Variants in NEDD9 observed in about 807,000 individuals in gnomAD.
NEDD9 encodes the protein enhancer of filamentation 1.
A neutral mutation model predicts 76.6 loss-of-function variants in NEDD9; 26 were observed. The ratio of observed to expected loss-of-function variants is 0.34; its 90% CI spans 0.25 to 0.47. NEDD9 has a LOEUF of 0.47. Ranked by LOEUF, NEDD9 falls within the 20% of genes least tolerant of loss-of-function variation. The pLI is 1.00. For synonymous variants in NEDD9, 392 were observed against 414.2 expected, an observed-to-expected ratio of 0.95 and a Z score of 0.65; for missense variants, 937 against 1,058.5, an observed-to-expected ratio of 0.89 and a Z score of 1.59.
chr6:11,322,333 T>TA (rs1209191487), intron 2 of NEDD9, among the ~76,000 whole-genome samples: 28 of 146,102 alleles, frequency 1.9e-4, no homozygotes, highest in East Asian at 4.0e-4. Flanking sequence ...TCCCAGAACT[T>TA]AAAAAAAAAA....
chr6:11,219,550 C>A (rs147946358), intron 1 of NEDD9, among the ~76,000 whole-genome samples: 1 of 152,200 alleles, frequency 6.6e-6, no homozygotes. Context: ...TGCCTGCATG[C>A]GCAAATGCAT....
At chr6:11,203,039 T>C (rs866715313) in intron 2 of NEDD9, among the ~76,000 whole-genome samples, 1 of 152,226 alleles carries the variant, frequency 6.6e-6, no homozygotes, top group East Asian at 1.9e-4. Flanking sequence ...TCCCCCCTGC[T>C]GCTTTCAGGA....
intron 3 of NEDD9, among the ~76,000 whole-genome samples, chr6:11,276,862 G>A (rs1760427451): frequency 6.6e-6 from 1 of 152,106 alleles, no homozygotes; most frequent in South Asian, 2.1e-4. Context: ...AAGGAATTTG[G>A]AAGGAACATA....
chr6:11,298,711 T>C (rs1760962734), intron 3 of NEDD9, among the ~76,000 whole-genome samples: 3 of 152,350 alleles, frequency 2.0e-5, no homozygotes, highest in African/African-American at 7.2e-5. Context: ...AATTCACAAA[T>C]AAATATAGTT....
At chr6:11,206,976 A>G (rs777173356) in intron 2 of NEDD9, among the ~76,000 whole-genome samples, 3 of 152,240 alleles carry the variant, frequency 2.0e-5, no homozygotes, top group Admixed American at 6.5e-5. Context: ...GAGGCAAACA[A>G]TTCATATACA....
intron 1 of NEDD9, among the ~76,000 whole-genome samples, chr6:11,218,933 G>C (rs1462164012): frequency 2.0e-5 from 3 of 152,136 alleles, no homozygotes; most frequent in African/African-American, 7.2e-5. Context: ...AAGGCCAAGA[G>C]GAACTGACCA....
At chr6:11,382,331 AG>A (rs1763078821), upstream of NEDD9, 1 of 152,200 alleles carries the variant, frequency 6.6e-6, no homozygotes, top group African/African-American at 2.4e-5. Context: ...GTCGGATGTG[AG>A]TGGCATATGT....
intron 6 of NEDD9, among the ~76,000 whole-genome samples, chr6:11,186,345 G>A (rs1365709036): frequency 6.6e-6 from 1 of 152,158 alleles, no homozygotes. Flanking sequence ...TTAAAAGAAG[G>A]GGGTTTTACC....
chr6:11,316,707 G>A (rs1396237217), intron 2 of NEDD9, among the ~76,000 whole-genome samples: 1 of 152,214 alleles, frequency 6.6e-6, no homozygotes, highest in Non-Finnish European at 1.5e-5. Context: ...CTATACTCCA[G>A]TTGAGAATTA....
intron 1 of NEDD9, among the ~76,000 whole-genome samples, chr6:11,364,696 ATAGT>A (rs1762733244): frequency 2.0e-5 from 2 of 101,560 alleles, no homozygotes; most frequent in Admixed American, 1.9e-4. Flanking sequence ...TCAATAAAAC[ATAGT>A]TACTCTACTG....
chr6:11,213,746 A>G lies in NEDD9; in HGVS notation c.13-19T>C. 6.2e-7 allele frequency: 1 copy of G among 1,610,646 alleles called. No homozygotes were observed. The highest frequency in any genetic ancestry group is 8.5e-7 in the Non-Finnish European group (1 of 1,177,494). On this transcript the variant is annotated intron_variant, in intron 1 of 6. Transcript: ENST00000379446. The surrounding 1 kb of genome is among the most constrained non-coding windows in gnomAD (Gnocchi z 5.4). ...TAAGATTCTAGGAGGGAAGGAAGAG[A>G]AGGAAACCGTGTTAGAATATTGGGT...
At chr6:11,334,881 G>A (rs1024610682) in intron 1 of NEDD9, among the ~76,000 whole-genome samples, 8 of 152,210 alleles carry the variant, frequency 5.3e-5, no homozygotes, top group Admixed American at 2.0e-4. Context: ...CAAATGTACA[G>A]TGCAGTGGTG....
intron 1 of NEDD9, among the ~76,000 whole-genome samples, chr6:11,375,962 C>A (rs1762963036): frequency 1.3e-5 from 2 of 152,116 alleles, no homozygotes; most frequent in African/African-American, 4.8e-5. Flanking sequence ...GTAGCTGGGA[C>A]TACAGGCGCC....
At position 11,370,472 on chromosome 6, in the gene NEDD9, T is replaced by A. The variant is rs1484729224; in HGVS notation, c.-214+11667A>T. Among the ~76,000 whole-genome samples the A allele has an allele frequency of 1.3e-5, 2 of 152,158 alleles. No individual in the cohort carries two copies. Among genetic ancestry groups the A allele is most frequent in the African/African-American group, 2.4e-5 (1 of 41,440 alleles). On this transcript the variant is annotated intron_variant, in intron 1 of 3. Transcript: ENST00000397378. This position sits in a 1 kb window ranked among gnomAD's most constrained non-coding sequence, Gnocchi z 4.2. ...CTCCCACCCCTGTCCTCCCAAGACC[T>A]GCATTCCAGTCCAAATGGTTCCCTC...
chr6:11,310,419 G>A (rs1471146379), intron 2 of NEDD9, among the ~76,000 whole-genome samples: 1 of 152,038 alleles, frequency 6.6e-6, no homozygotes, highest in African/African-American at 2.4e-5. Flanking sequence ...CCTGGCCAAA[G>A]CCCAGCTTTG....
chr6:11,193,545 A>G, intron 3 of NEDD9, 46 bp downstream of exon 3: 1 of 1,431,454 alleles, frequency 7.0e-7, no homozygotes, highest in Non-Finnish European at 9.8e-7. Flanking sequence ...AAGGAATGCT[A>G]CCCTTAGAAG....
At chr6:11,275,642 G>A (rs539139719) in intron 3 of NEDD9, among the ~76,000 whole-genome samples, 7 of 152,158 alleles carry the variant, frequency 4.6e-5, no homozygotes, top group Non-Finnish European at 7.4e-5. Context: ...CAAGGAGGCC[G>A]ACATGCCCAC....
chr6:11,248,093 A>AT (rs1255177545), intron 3 of NEDD9, among the ~76,000 whole-genome samples: 2 of 152,086 alleles, frequency 1.3e-5, no homozygotes, highest in Non-Finnish European at 2.9e-5. Context: ...TTGAAAGACA[A>AT]TTTTTGGGAT....
At chr6:11,214,202 AT>A in intron 1 of NEDD9, 1 of 518,838 alleles carries the variant, frequency 1.9e-6, no homozygotes, top group Non-Finnish European at 3.8e-6. Flanking sequence ...TAGCATTTAT[AT>A]TTGGAGTTGA....
Sources: allele counts gnomAD v4.1 joint callset (sites outside exome capture counted in the v4.1 genomes callset), GRCh38; gene constraint gnomAD v4.1.1; non-coding constraint Gnocchi (gnomAD v3.1); transcripts MANE v1.5; gene names NCBI Gene and HGNC (gene_info 2026-07-23, HGNC 2026-07-21).